Variants in IDO1 observed in about 807,000 individuals in gnomAD.
The protein encoded by IDO1 is indolamine 2,3 dioxygenase.
IDO1 carries 35 observed loss-of-function variants against 38.8 expected under a neutral mutation model. The observed-to-expected ratio is 0.90, with a 90% CI of 0.69 to 1.20. The LOEUF (loss-of-function observed/expected upper bound fraction) is 1.20. Among genes scored for constraint, IDO1 ranks in the 50% most tolerant of loss-of-function variants. The pLI, the probability that IDO1 is intolerant of heterozygous loss-of-function variation, is 0.00. For missense variants in IDO1, 509 were observed against 485.1 expected, an observed-to-expected ratio of 1.05 and a Z score of -0.46; for synonymous variants, 171 against 170.0, an observed-to-expected ratio of 1.01 and a Z score of -0.05.
At chr8:39,925,773 A>C (rs1361300421) in intron 9 of IDO1, among the ~76,000 whole-genome samples, 2 of 152,048 alleles carry the variant, frequency 1.3e-5, no homozygotes, top group African/African-American at 4.8e-5. Context: ...AATCCCAGCT[A>C]CTCGGGAGAC....
intron 1 of IDO1, 121 bp from the exon 2 acceptor site, chr8:39,917,754 G>A (rs1163262346): frequency 1.1e-5 from 7 of 655,184 alleles, no homozygotes; most frequent in Non-Finnish European, 1.9e-5. Flanking sequence ...TTCCAGACAG[G>A]TAAGCCATAT....
In IDO1 at chr8:39,928,099, G is replaced by A. The variant is rs1807395574; in HGVS notation, c.1126G>A (p.Ala376Thr). The A allele has an allele frequency of 4.3e-6, 7 of 1,613,482 alleles. No individual in the cohort carries two copies. The highest frequency in any genetic ancestry group is 2.2e-5 in the East Asian group (1 of 44,882). Residue 376 changes from alanine (A) to threonine (T), a missense_variant, in exon 10 of 10, where the codon GCC becomes ACC. Transcript: ENST00000518237. ...CTCTGAAGACCCTTCAAAACTGGAA[G>A]CCAAAGGAACTGGAGGCACTGATTT... Reference protein sequence around the residue: ...KTSEDPSKLEAKGTGGTDLMN... With the variant: ...KTSEDPSKLETKGTGGTDLMN...
intron 3 of IDO1, chr8:39,918,517 C>A: frequency 2.2e-6 from 1 of 454,156 alleles, no homozygotes; most frequent in South Asian, 2.7e-5. Flanking sequence ...AGGCCAAGGC[C>A]GGAGGATCAC....
At chr8:39,922,507 A>G in intron 5 of IDO1, 45 bp from the exon 6 acceptor site, 3 of 1,223,862 alleles carry the variant, frequency 2.5e-6, no homozygotes, top group Non-Finnish European at 3.6e-6. Context: ...AAAATATCCC[A>G]TAATTTTTGC....
At chr8:39,918,778 A>G (rs759028245) in intron 3 of IDO1, 37 bp from the exon 4 acceptor site, 2 of 995,614 alleles carry the variant, frequency 2.0e-6, no homozygotes, top group Non-Finnish European at 1.6e-6. Context: ...AACAACAACA[A>G]CAACAACAAA....
intron 5 of IDO1, among the ~76,000 whole-genome samples, chr8:39,921,676 A>G (rs1190064874): frequency 6.6e-6 from 1 of 152,206 alleles, no homozygotes; most frequent in Non-Finnish European, 1.5e-5. Context: ...TTCAGATACC[A>G]TGAATTTAAC....
chr8:39,926,213 AAG>A (rs1807357700), intron 9 of IDO1, among the ~76,000 whole-genome samples: 1 of 152,178 alleles, frequency 6.6e-6, no homozygotes, highest in Non-Finnish European at 1.5e-5. Flanking sequence ...TAAAAACAAA[AAG>A]AAAAATAAAA....
Position 39,918,873 on chromosome 8 carries a change from C to T in IDO1, c.362C>T (p.Pro121Leu), listed in dbSNP as rs1807226208. ...CAACTCTCCAAGAAACTGGAACTGC[C>T]TCCTATTTTGGTTTATGCAGACTGT... ...YCQLSKKLELPPILVYADCVL... is the reference protein window; with the variant it reads ...YCQLSKKLELLPILVYADCVL... The change falls in exon 4 of 10, where the codon CCT becomes CTT. Residue 121 changes from proline to leucine, a missense_variant. Transcript: ENST00000518237. 1.2e-6 allele frequency: 2 copies of T among 1,613,374 alleles called. No homozygotes were observed. Among genetic ancestry groups the T allele is most frequent in the Admixed American group, 1.7e-5 (1 of 59,962 alleles).
intron 1 of IDO1, among the ~76,000 whole-genome samples, chr8:39,917,128 A>C (rs1739777251): frequency 6.6e-6 from 1 of 152,240 alleles, no homozygotes; most frequent in Non-Finnish European, 1.5e-5. Context: ...TATCGAGCAG[A>C]GTGCCTAGTC....
chr8:39,918,970 T>A (rs532310063), intron 4 of IDO1, 37 bp downstream of exon 4: 1 of 1,219,778 alleles, frequency 8.2e-7, no homozygotes, highest in Non-Finnish European at 1.2e-6. Context: ...ATTTTTGGAG[T>A]GTGTGCCGAT....
At chr8:39,924,889 C>T in intron 8 of IDO1, 117 bp downstream of exon 8, 1 of 786,682 alleles carries the variant, frequency 1.3e-6, no homozygotes, top group Non-Finnish European at 2.2e-6. Flanking sequence ...TCCAAAAATT[C>T]ACATGGTAGA....
intron 9 of IDO1, among the ~76,000 whole-genome samples, chr8:39,926,549 G>A (rs1807363162): frequency 6.6e-6 from 1 of 152,158 alleles, no homozygotes; most frequent in African/African-American, 2.4e-5. Context: ...GGAGGAATAA[G>A]CTCCAAGAAG....
At chr8:39,918,570 A>AC in intron 3 of IDO1, 2 of 482,452 alleles carry the variant, frequency 4.1e-6, no homozygotes, top group East Asian at 7.8e-5. Context: ...ACATAGTGAA[A>AC]CCCCATCTCT....
At position 39,928,332 on chromosome 8, in the gene IDO1, C is replaced by A; in HGVS notation, c.*147C>A. On this transcript the variant is annotated 3_prime_UTR_variant, in exon 10 of 10. Transcript: ENST00000518237. ...AAGACCTCAAAATACCTGTGCATTT[C>A]TTGTAGGAAAACAACAAAAGGTAAT... The A allele has an allele frequency of 1.7e-6, 1 of 574,286 alleles. No homozygotes were observed. The allele number at this position is 574,286 out of a possible 1,614,324, so 35.6% of individuals were successfully genotyped here. A position where few individuals can be genotyped will look rare whatever the true frequency, so the allele number is the denominator to read the frequency against.
chr8:39,921,320 G>C (rs1004100520), intron 5 of IDO1, among the ~76,000 whole-genome samples: 1 of 152,026 alleles, frequency 6.6e-6, no homozygotes, highest in East Asian at 1.9e-4. Context: ...GGGCATGGTG[G>C]CACATGCCTG....
chr8:39,927,592 C>CT (rs1807386372), intron 9 of IDO1, among the ~76,000 whole-genome samples: 1 of 148,660 alleles, frequency 6.7e-6, no homozygotes, highest in Non-Finnish European at 1.5e-5. Context: ...AACAAAAATA[C>CT]TTATTGTGAG....
In IDO1 at chr8:39,924,546, C is replaced by G. The variant is rs145076190; in HGVS notation, c.656-175C>G. ...TAAATAGATACAGTTTAATGGGCTT[C>G]CTGGAAGAGGGTAGGAAAGTGAATG... On this transcript the variant is annotated intron_variant, in intron 7 of 9. Coordinates refer to ENST00000518237, the MANE Select transcript of IDO1 (RefSeq NM_002164.6). 3.3e-5 allele frequency among the ~76,000 whole-genome samples: 5 copies of G among 151,940 alleles called. No individual in the cohort carries two copies. In the East Asian group the frequency reaches 9.8e-4, roughly 30 times the overall value.
intron 3 of IDO1, 53 bp from the exon 4 acceptor site, chr8:39,918,762 A>AC: frequency 2.7e-6 from 2 of 730,600 alleles, no homozygotes. Context: ...AAAAAAAAAA[A>AC]AAAAAAACAA....
chr8:39,917,847 T>C (rs767620759), intron 1 of IDO1, 28 bp from the exon 2 acceptor site: 63 of 1,476,758 alleles, frequency 4.3e-5, no homozygotes, highest in Non-Finnish European at 6.6e-6. Flanking sequence ...CTGCTACTAC[T>C]AAATAAAGAT....
Sources: gnomAD v4.1 joint callset for allele counts (sites outside exome capture counted in the v4.1 genomes callset) on GRCh38, gnomAD v4.1.1 for gene constraint, MANE v1.5 for transcripts, NCBI Gene and HGNC (gene_info 2026-07-23, HGNC 2026-07-21) for gene names.